Variants in NRXN1 observed in about 807,000 individuals in gnomAD.
NRXN1 encodes the protein neurexin-1.
In NRXN1, 39 loss-of-function variants were observed where a neutral mutation model predicts 150.9. That is an observed-to-expected ratio of 0.26 (90% CI 0.20 to 0.34). The LOEUF (loss-of-function observed/expected upper bound fraction) is 0.34. Ranked by LOEUF, NRXN1 falls within the 10% of genes least tolerant of loss-of-function variation. The pLI is 1.00. For synonymous variants in NRXN1, 924 were observed against 757.0 expected (o/e 1.22, Z -3.62); for missense variants, 1,815 against 1,949.9 (o/e 0.93, Z 1.30).
At chr2:49,967,365 T>A (rs555526764) in intron 21 of NRXN1, among the ~76,000 whole-genome samples, 2 of 152,168 alleles carry the variant, frequency 1.3e-5, no homozygotes, top group South Asian at 4.1e-4. Context: ...ATATTACATA[T>A]AAAATGACAA....
At chr2:50,601,079 A>T (rs187256696) in intron 8 of NRXN1, among the ~76,000 whole-genome samples, 59 of 152,268 alleles carry the variant, frequency 3.9e-4, no homozygotes, top group East Asian at 3.7e-3. Flanking sequence ...GGCAAAAAAA[A>T]AATAATAATA....
At chr2:49,928,989 TA>T (rs1669645003) in intron 22 of NRXN1, among the ~76,000 whole-genome samples, 1 of 152,138 alleles carries the variant, frequency 6.6e-6, no homozygotes, top group Admixed American at 6.5e-5. Flanking sequence ...TGGAAATCAA[TA>T]AACCTTTGCT....
At chr2:50,829,999 GAAAAAAAAA>G (rs572758147) in intron 5 of NRXN1, among the ~76,000 whole-genome samples, 24,989 of 57,668 alleles carry the variant, frequency 0.43, 4,500 homozygotes, top group Non-Finnish European at 0.47. Flanking sequence ...CTGCCTGCTG[GAAAAAAAAA>G]AAAAAAAAAA....
At chr2:50,459,912 G>A (rs1230048001) in intron 17 of NRXN1, among the ~76,000 whole-genome samples, 1 of 152,032 alleles carries the variant, frequency 6.6e-6, no homozygotes, top group Non-Finnish European at 1.5e-5. Context: ...TCCCCATCCT[G>A]CCTTGATTCT....
chr2:50,928,687 A>G (rs1409589637), intron 2 of NRXN1, among the ~76,000 whole-genome samples: 1 of 152,022 alleles, frequency 6.6e-6, no homozygotes, highest in Non-Finnish European at 1.5e-5. Context: ...CAGGTGCTGA[A>G]TTTTGGCATG....
chr2:50,757,885 G>C (rs1701345705), intron 5 of NRXN1: 1 of 151,670 alleles, frequency 6.6e-6, no homozygotes, highest in South Asian at 2.1e-4. Context: ...CTCCTCTCTT[G>C]AGGGCCACCA....
intron 19 of NRXN1, among the ~76,000 whole-genome samples, chr2:50,062,740 C>T (rs1694745495): frequency 6.6e-6 from 1 of 152,078 alleles, no homozygotes; most frequent in Admixed American, 6.6e-5. Context: ...ATATGAACAT[C>T]ACTGATGTAT....
At chr2:50,773,460 A>T (rs945980259) in intron 5 of NRXN1, among the ~76,000 whole-genome samples, 1 of 152,176 alleles carries the variant, frequency 6.6e-6, no homozygotes, top group African/African-American at 2.4e-5. Context: ...AAGCTGCCAG[A>T]TAGAAGGCCT....
At chr2:50,018,372 C>A (rs1686988403) in intron 21 of NRXN1, among the ~76,000 whole-genome samples, 1 of 152,102 alleles carries the variant, frequency 6.6e-6, no homozygotes, top group African/African-American at 2.4e-5. Flanking sequence ...TTTTCTCCTA[C>A]TCAAAGAGCA....
intron 5 of NRXN1, among the ~76,000 whole-genome samples, chr2:50,825,229 G>T (rs1476712756): frequency 6.6e-6 from 1 of 152,080 alleles, no homozygotes; most frequent in Non-Finnish European, 1.5e-5. Flanking sequence ...ATATACATTT[G>T]GTCTTCACTC....
intron 2 of NRXN1, among the ~76,000 whole-genome samples, chr2:50,966,917 T>A (rs1206592895): frequency 6.6e-6 from 1 of 151,946 alleles, no homozygotes; most frequent in African/African-American, 2.4e-5. Context: ...GAACTCACTA[T>A]CAGGTATCAT....
intron 9 of NRXN1, among the ~76,000 whole-genome samples, chr2:50,551,053 A>AGAG (rs1321595040): frequency 0.019 from 2,295 of 119,864 alleles, 30 homozygotes; most frequent in Non-Finnish European, 0.029. Context: ...AGGAAGAGGA[A>AGAG]GAAGAAGAAG....
chr2:50,076,226 T>C (rs921015976), intron 19 of NRXN1, among the ~76,000 whole-genome samples: 28 of 152,168 alleles, frequency 1.8e-4, no homozygotes, highest in African/African-American at 6.5e-4. Flanking sequence ...TCTTAAGTTT[T>C]TGGAAAGGTT....
At chr2:50,466,812 G>C (rs570081868) in intron 16 of NRXN1, among the ~76,000 whole-genome samples, 2 of 151,866 alleles carry the variant, frequency 1.3e-5, no homozygotes, top group South Asian at 4.1e-4. Context: ...CATTACCAAA[G>C]TGACTGTGTT....
chr2:51,026,100 G>A (rs566890378), intron 2 of NRXN1, among the ~76,000 whole-genome samples: 1 of 152,194 alleles, frequency 6.6e-6, no homozygotes, highest in Non-Finnish European at 1.5e-5. Context: ...AGAGAGAACT[G>A]CCAACTCTAA....
chr2:49,986,089 C>G (rs1399377551), intron 21 of NRXN1, among the ~76,000 whole-genome samples: 4 of 152,140 alleles, frequency 2.6e-5, no homozygotes, highest in African/African-American at 7.2e-5. Flanking sequence ...AGAATGTTAA[C>G]TTAATAATAT....
chr2:49,947,936 C>T (rs993148705), intron 21 of NRXN1, among the ~76,000 whole-genome samples: 1 of 151,758 alleles, frequency 6.6e-6, no homozygotes, highest in East Asian at 1.9e-4. Context: ...GAATGTAATA[C>T]CAATTTAATT....
chr2:50,696,150 G>A (rs1692813647), intron 5 of NRXN1: 1 of 151,004 alleles, frequency 6.6e-6, no homozygotes, highest in South Asian at 2.1e-4. Context: ...GTCGACTATG[G>A]AAATTTTAAA....
intron 19 of NRXN1, among the ~76,000 whole-genome samples, chr2:50,087,266 A>T (rs868261968): frequency 6.6e-6 from 1 of 152,132 alleles, no homozygotes; most frequent in Non-Finnish European, 1.5e-5. Context: ...TAAATTTAGT[A>T]TGTTACTTTT....
Sources: allele counts gnomAD v4.1 joint callset (sites outside exome capture counted in the v4.1 genomes callset), GRCh38; gene constraint gnomAD v4.1.1; transcripts MANE v1.5; gene names NCBI Gene and HGNC (gene_info 2026-07-23, HGNC 2026-07-21).